The following COX7B2 variants were observed in gnomAD, a reference collection of about 807,000 sequenced individuals.
COX7B2 encodes cytochrome c oxidase subunit 7B2, mitochondrial.
For missense variants in COX7B2, 109 were observed against 95.9 expected, an observed-to-expected ratio of 1.14 and a Z score of -0.57; for synonymous variants, 37 against 32.1, an observed-to-expected ratio of 1.15 and a Z score of -0.51.
intron 1 of COX7B2, among the ~76,000 whole-genome samples, chr4:46,905,057 A>G (rs908346345): frequency 6.6e-6 from 1 of 152,232 alleles, no homozygotes; most frequent in Non-Finnish European, 1.5e-5. Flanking sequence ...TGGGGAGTAT[A>G]GAAATTCTTA....
At chr4:46,809,640 G>T (rs980968727) in intron 2 of COX7B2, among the ~76,000 whole-genome samples, 1 of 151,608 alleles carries the variant, frequency 6.6e-6, no homozygotes, top group African/African-American at 2.4e-5. Context: ...TACTCAATAG[G>T]ACTTAAATAT....
intron 2 of COX7B2, among the ~76,000 whole-genome samples, chr4:46,761,792 G>A (rs969861439): frequency 6.6e-6 from 1 of 151,958 alleles, no homozygotes; most frequent in African/African-American, 2.4e-5. Context: ...GAGACCAGGA[G>A]AAATCAGAAA....
At position 46,757,139 on chromosome 4, in the gene COX7B2, T is replaced by C. The variant is rs998047928; in HGVS notation, c.-49-21898A>G. Among the ~76,000 whole-genome samples the C allele has an allele frequency of 5.3e-5, 8 of 152,188 alleles. No individual in the cohort carries two copies. The South Asian group carries it at 1.5e-3, about 28-fold the overall frequency. On this transcript the variant is annotated intron_variant, in intron 2 of 2. Transcript: ENST00000355591. Reference sequence around the variant, plus strand: ...AATAATACTTAGTCATAAAAAAGAATGAAAGAATGTCTTTTGCAGCAACAT... The same window carrying C: ...AATAATACTTAGTCATAAAAAAGAACGAAAGAATGTCTTTTGCAGCAACAT...
At chr4:46,829,110 T>C (rs986881677) in intron 2 of COX7B2, among the ~76,000 whole-genome samples, 1 of 152,138 alleles carries the variant, frequency 6.6e-6, no homozygotes, top group Non-Finnish European at 1.5e-5. Context: ...CAGCATTCCT[T>C]GGGAAACATC....
At chr4:46,867,544 C>T (rs1717740590) in intron 1 of COX7B2, among the ~76,000 whole-genome samples, 1 of 152,192 alleles carries the variant, frequency 6.6e-6, no homozygotes, top group Admixed American at 6.5e-5. Flanking sequence ...ATAGCCCAAC[C>T]CTTAATTTGC....
intron 1 of COX7B2, among the ~76,000 whole-genome samples, chr4:46,849,261 T>C (rs1361549709): frequency 6.6e-6 from 1 of 152,088 alleles, no homozygotes; most frequent in Non-Finnish European, 1.5e-5. Flanking sequence ...AAAGATTAAA[T>C]CAATTTCTCC....
intron 1 of COX7B2, among the ~76,000 whole-genome samples, chr4:46,854,402 T>C (rs925933058): frequency 6.6e-6 from 1 of 152,218 alleles, no homozygotes; most frequent in African/African-American, 2.4e-5. Context: ...TTCTTCACGA[T>C]GATATTCAAG....
At chr4:46,889,624 T>C (rs992308478) in intron 1 of COX7B2, among the ~76,000 whole-genome samples, 5 of 152,014 alleles carry the variant, frequency 3.3e-5, no homozygotes, top group Admixed American at 3.3e-4. Context: ...AATCAATGGG[T>C]AATGGCAATG....
At chr4:46,874,066 G>T (rs1449810886) in intron 1 of COX7B2, among the ~76,000 whole-genome samples, 1 of 152,114 alleles carries the variant, frequency 6.6e-6, no homozygotes, top group East Asian at 1.9e-4. Context: ...CTATTGGCTT[G>T]CAGATTATAA....
At chr4:46,825,064 C>T (rs1330622770) in intron 2 of COX7B2, among the ~76,000 whole-genome samples, 2 of 151,600 alleles carry the variant, frequency 1.3e-5, no homozygotes, top group Non-Finnish European at 2.9e-5. Context: ...AAAAATAAAA[C>T]GAATCCAAAT....
At chr4:46,796,080 T>TGCAGC (rs1328914082) in intron 2 of COX7B2, among the ~76,000 whole-genome samples, 4 of 100,004 alleles carry the variant, frequency 4.0e-5, no homozygotes, top group African/African-American at 1.9e-4. Flanking sequence ...AAGTTGCTTA[T>TGCAGC]CAGCTTAAGG....
chr4:46,755,151 G>T (rs1370510812), intron 2 of COX7B2, among the ~76,000 whole-genome samples: 1 of 151,908 alleles, frequency 6.6e-6, no homozygotes, highest in African/African-American at 2.4e-5. Context: ...ATCAATAAAT[G>T]CTGTACATCA....
intron 2 of COX7B2, among the ~76,000 whole-genome samples, chr4:46,809,801 C>A (rs1719193979): frequency 6.6e-6 from 1 of 151,924 alleles, no homozygotes; most frequent in African/African-American, 2.4e-5. Context: ...CCAGCATTTA[C>A]TAATTAATTC....
intron 2 of COX7B2, among the ~76,000 whole-genome samples, chr4:46,810,767 G>C (rs1479432639): frequency 3.9e-5 from 6 of 152,052 alleles, no homozygotes. Flanking sequence ...ATTAATGATA[G>C]TAATGATCAT....
chr4:46,908,982 T>C (rs1720580199), intron 1 of COX7B2, among the ~76,000 whole-genome samples, 178 bp downstream of exon 1: 1 of 151,530 alleles, frequency 6.6e-6, no homozygotes, highest in African/African-American at 2.4e-5. Context: ...AGGCGGAGCT[T>C]GCAGTGAGCC....
intron 2 of COX7B2, among the ~76,000 whole-genome samples, chr4:46,754,263 C>T (rs374375475): frequency 2.6e-5 from 4 of 151,198 alleles, no homozygotes; most frequent in East Asian, 3.9e-4. Context: ...CACATGCACA[C>T]GTATGTTTAT....
intron 2 of COX7B2, among the ~76,000 whole-genome samples, chr4:46,762,173 A>T (rs1577674842): frequency 6.8e-6 from 1 of 146,372 alleles, no homozygotes; most frequent in Non-Finnish European, 1.5e-5. Flanking sequence ...GTCTAAACAG[A>T]AAACAAAACA....
At chr4:46,744,195 G>A (rs916392489) in intron 2 of COX7B2, among the ~76,000 whole-genome samples, 2 of 151,164 alleles carry the variant, frequency 1.3e-5, no homozygotes, top group Non-Finnish European at 2.9e-5. Context: ...TCCTTCCTCC[G>A]AGAAGGATCC....
intron 2 of COX7B2, among the ~76,000 whole-genome samples, chr4:46,747,399 G>A (rs1055690407): frequency 1.3e-5 from 2 of 151,996 alleles, no homozygotes; most frequent in East Asian, 1.9e-4. Context: ...TGCCTCTCAC[G>A]TTCAAGCGAT....
Sources: gnomAD v4.1 joint callset for allele counts (sites outside exome capture counted in the v4.1 genomes callset) on GRCh38, gnomAD v4.1.1 for gene constraint, MANE v1.5 for transcripts, NCBI Gene and HGNC (gene_info 2026-07-23, HGNC 2026-07-21) for gene names.